Variants in ESRRB observed in about 807,000 individuals in gnomAD.
ESRRB encodes steroid hormone receptor ERR2.
In ESRRB, 16 loss-of-function variants were observed where a neutral mutation model predicts 46.0. The observed-to-expected ratio is 0.35, with a 90% CI of 0.24 to 0.53. The LOEUF (loss-of-function observed/expected upper bound fraction) is 0.53. Among genes scored for constraint, ESRRB ranks in the 20% least tolerant of loss-of-function variants. The pLI is 0.93. For missense variants in ESRRB, 488 were observed against 607.4 expected (o/e 0.80, Z 2.07); for synonymous variants, 246 against 259.6 (o/e 0.95, Z 0.50).
intron 1 of ESRRB, among the ~76,000 whole-genome samples, chr14:76,393,967 A>ATTTTTTTTTT (rs71122531): frequency 7.3e-4 from 93 of 126,918 alleles, no homozygotes; most frequent in East Asian, 1.4e-3. Flanking sequence ...TGCCTGGCTA[A>ATTTTTTTTTT]TTTTTTTTTT....
intron 1 of ESRRB, among the ~76,000 whole-genome samples, chr14:76,429,651 G>A (rs1318035243): frequency 6.6e-6 from 1 of 152,196 alleles, no homozygotes; most frequent in Admixed American, 6.5e-5. Context: ...TCAGGAGGCT[G>A]AGGCAAGAGA....
intron 1 of ESRRB, among the ~76,000 whole-genome samples, chr14:76,319,483 C>T (rs887906294): frequency 6.6e-6 from 1 of 151,550 alleles, no homozygotes; most frequent in Admixed American, 6.6e-5. Context: ...GTCAGCCATC[C>T]ATGACTCTTC....
intron 1 of ESRRB, among the ~76,000 whole-genome samples, chr14:76,317,773 A>G (rs1372382863): frequency 6.6e-6 from 1 of 152,078 alleles, no homozygotes; most frequent in African/African-American, 2.4e-5. Flanking sequence ...TCAGGACCAC[A>G]GTTTCCTTAA....
chr14:76,410,433 A>T (rs571328495), intron 1 of ESRRB, among the ~76,000 whole-genome samples: 53 of 152,294 alleles, frequency 3.5e-4, no homozygotes, highest in African/African-American at 1.3e-3. Flanking sequence ...AGAATCCCTA[A>T]AAGTAGCCAC....
intron 1 of ESRRB, among the ~76,000 whole-genome samples, chr14:76,341,927 G>C (rs1884196096): frequency 6.6e-6 from 1 of 152,206 alleles, no homozygotes; most frequent in Non-Finnish European, 1.5e-5. Flanking sequence ...AGAATGGTGA[G>C]GAGTTGGAGG....
At chr14:76,326,962 C>T (rs1358691280) in intron 1 of ESRRB, among the ~76,000 whole-genome samples, 1 of 152,272 alleles carries the variant, frequency 6.6e-6, no homozygotes, top group Non-Finnish European at 1.5e-5. Context: ...CCTCGGGACC[C>T]CATGCCCAGT....
intron 1 of ESRRB, among the ~76,000 whole-genome samples, chr14:76,413,792 C>A (rs1184810064): frequency 6.6e-6 from 1 of 151,714 alleles, no homozygotes; most frequent in Non-Finnish European, 1.5e-5. Flanking sequence ...GTGTTTCATC[C>A]CCAGCCACAT....
chr14:76,428,546 A>T (rs1237815089), intron 1 of ESRRB, among the ~76,000 whole-genome samples: 2 of 152,070 alleles, frequency 1.3e-5, no homozygotes, highest in South Asian at 2.1e-4. Flanking sequence ...ACCAGGTACC[A>T]TTGGGCCCTG....
intron 5 of ESRRB, among the ~76,000 whole-genome samples, chr14:76,485,626 T>TGAGA (rs151021182): frequency 0.03 from 4,364 of 143,756 alleles, 128 homozygotes; most frequent in African/African-American, 0.082. Flanking sequence ...TCCCTATCCC[T>TGAGA]GAGAGAGAGA....
chr14:76,311,699 C>G (rs771970629), intron 1 of ESRRB, among the ~76,000 whole-genome samples: 3 of 152,200 alleles, frequency 2.0e-5, no homozygotes, highest in Non-Finnish European at 2.9e-5. Context: ...GCTCTGCATC[C>G]TTCGCAAAGG....
chr14:76,377,892 C>A (rs1433687969), intron 1 of ESRRB, among the ~76,000 whole-genome samples: 5 of 152,148 alleles, frequency 3.3e-5, no homozygotes, highest in Non-Finnish European at 7.3e-5. Flanking sequence ...GGCAGAGGGC[C>A]TTTTAGATGC....
intron 3 of ESRRB, among the ~76,000 whole-genome samples, chr14:76,468,714 T>C (rs1889233670): frequency 6.6e-6 from 1 of 152,098 alleles, no homozygotes; most frequent in Non-Finnish European, 1.5e-5. Context: ...GGAATCATAA[T>C]AGTGCCTATC....
intron 2 of ESRRB, 145 bp from the exon 3 acceptor site, chr14:76,462,400 A>G (rs1377963375): frequency 6.0e-6 from 4 of 664,900 alleles, no homozygotes; most frequent in African/African-American, 1.8e-5. Flanking sequence ...ATGTTCTGAC[A>G]AGCACCTCAG....
At chr14:76,414,420 G>GCCTGGGCGCAGTA (rs1278485574) in intron 1 of ESRRB, among the ~76,000 whole-genome samples, 7 of 151,226 alleles carry the variant, frequency 4.6e-5, no homozygotes, top group African/African-American at 1.7e-4. Context: ...TTAGAGCAGT[G>GCCTGGGCGCAGTA]CCTGGGCGCA....
chr14:76,475,298 G>C (rs1370255157), intron 3 of ESRRB, among the ~76,000 whole-genome samples: 5 of 150,970 alleles, frequency 3.3e-5, no homozygotes, highest in African/African-American at 9.7e-5. Flanking sequence ...GAGCCCAGTA[G>C]TTTGAGGTTG....
At chr14:76,442,473 C>T (rs1266727333) in intron 2 of ESRRB, among the ~76,000 whole-genome samples, 2 of 151,160 alleles carry the variant, frequency 1.3e-5, no homozygotes, top group Non-Finnish European at 2.9e-5. Context: ...AAGATCCCGT[C>T]TCAAAAAAAA....
At chr14:76,340,285 G>A (rs1019529060) in intron 1 of ESRRB, among the ~76,000 whole-genome samples, 5 of 152,330 alleles carry the variant, frequency 3.3e-5, no homozygotes, top group African/African-American at 7.2e-5. Context: ...AAGTGGCTGG[G>A]TCAGGAGACG....
intron 1 of ESRRB, among the ~76,000 whole-genome samples, chr14:76,421,156 T>C (rs1298219863): frequency 2.0e-5 from 3 of 152,166 alleles, no homozygotes. Flanking sequence ...AGAGCCCGTT[T>C]CTCTTCTGCC....
At chr14:76,332,456 T>A (rs1352322659) in intron 1 of ESRRB, among the ~76,000 whole-genome samples, 1 of 120,318 alleles carries the variant, frequency 8.3e-6, no homozygotes, top group Non-Finnish European at 1.6e-5. Context: ...CACCACCATA[T>A]ATATATATAT....
Sources: allele counts gnomAD v4.1 joint callset (sites outside exome capture counted in the v4.1 genomes callset), GRCh38; gene constraint gnomAD v4.1.1; transcripts MANE v1.5; gene names NCBI Gene and HGNC (gene_info 2026-07-23, HGNC 2026-07-21).